Variants in KIAA0319 observed in about 807,000 individuals in gnomAD.
The protein encoded by KIAA0319 is KIAA0319.
KIAA0319 carries 83 observed loss-of-function variants against 108.4 expected under a neutral mutation model. The ratio of observed to expected loss-of-function variants is 0.77; its 90% CI spans 0.64 to 0.92. KIAA0319 has a LOEUF of 0.92. Ranked by LOEUF, KIAA0319 falls within the 40% of genes least tolerant of loss-of-function variation. KIAA0319 has a pLI of 0.00. For synonymous variants in KIAA0319, 484 were observed against 510.4 expected, an observed-to-expected ratio of 0.95 and a Z score of 0.70; for missense variants, 1,195 against 1,322.4, an observed-to-expected ratio of 0.90 and a Z score of 1.49.
rs141799720 is a variant in KIAA0319, at chr6:24,562,266, C to A, written c.2591+1093G>T. On this transcript the variant is annotated intron_variant, in intron 16 of 20. Transcript: ENST00000378214. The stretch of plus-strand genomic sequence containing the variant: ...CAATTTTGCTGATCTGTCCAAGAAA[C>A]AACTTTTGGTTTTGTTGATTTTCAG... 6.5e-3 allele frequency among the ~76,000 whole-genome samples: 997 copies of A among 152,298 alleles called. 8 individuals carry two copies. The highest frequency in any genetic ancestry group is 0.044 in the South Asian group (211 of 4,820).
intron 7 of KIAA0319, 61 bp downstream of exon 7, chr6:24,580,865 C>T (rs1766404547): frequency 9.2e-7 from 1 of 1,088,588 alleles, no homozygotes; most frequent in Admixed American, 1.8e-5. Flanking sequence ...TAGAGTCATC[C>T]AGGCACCAAA....
chr6:24,612,197 A>T (rs1283250557), intron 1 of KIAA0319, among the ~76,000 whole-genome samples: 1 of 152,192 alleles, frequency 6.6e-6, no homozygotes, highest in African/African-American at 2.4e-5. Flanking sequence ...CACACCTGTC[A>T]TCCCAATACT....
In KIAA0319 at chr6:24,551,451, T is replaced by A; in HGVS notation, c.3023A>T (p.Glu1008Val). ...LDNMDEQERM[E>V]LRPKYGIKHR... ...TGTCTTACCATATTTGGGCCTCAGT[T>A]CCATTCTTTCCTGTTCATCCATGTT... Residue 1008 changes from glutamate (E) to valine (V), a missense_variant, in exon 20 of 21, where the codon GAA (glutamate) becomes GTA (valine). Transcript: ENST00000378214. 6.2e-7 allele frequency: 1 copy of A among 1,611,188 alleles called. No individual in the cohort carries two copies. Among genetic ancestry groups the A allele is most frequent in the Non-Finnish European group, 8.5e-7 (1 of 1,177,228 alleles).
At chr6:24,567,106 G>A (rs538869325) in intron 13 of KIAA0319, among the ~76,000 whole-genome samples, 1 of 152,054 alleles carries the variant, frequency 6.6e-6, no homozygotes, top group Non-Finnish European at 1.5e-5. Flanking sequence ...ATATACTTTG[G>A]GTCATTTTGT....
At chr6:24,602,766 A>C (rs1191466573) in intron 1 of KIAA0319, among the ~76,000 whole-genome samples, 2 of 152,122 alleles carry the variant, frequency 1.3e-5, no homozygotes, top group Admixed American at 6.5e-5. Context: ...ACGCCACTGC[A>C]CTCCAGCCTG....
chr6:24,584,464 C>T (rs990823854), intron 4 of KIAA0319, among the ~76,000 whole-genome samples: 2 of 144,444 alleles, frequency 1.4e-5, no homozygotes, highest in African/African-American at 2.6e-5. Flanking sequence ...AAGCTGAGTG[C>T]TCCAGAGGGA....
At chr6:24,628,563 T>C (rs1425489688) in intron 1 of KIAA0319, among the ~76,000 whole-genome samples, 2 of 152,094 alleles carry the variant, frequency 1.3e-5, no homozygotes. Flanking sequence ...GCATTTACCA[T>C]CTGAATTAGT....
At position 24,620,030 on chromosome 6, in the gene KIAA0319, G is replaced by A. The variant is rs949698622; in HGVS notation, c.-105-18822C>T. ...CTAAAATCCTGTTTTGTGTTTCCTT[G>A]GTCAATAATATGCTACTGAAAATAA... On this transcript the variant is annotated intron_variant, in intron 1 of 20. Coordinates refer to ENST00000378214, the MANE Select transcript of KIAA0319 (RefSeq NM_014809.4). 3.4e-4 allele frequency among the ~76,000 whole-genome samples: 52 copies of A among 151,982 alleles called. 1 individual carries two copies. The highest frequency in any genetic ancestry group is 9.9e-4 in the African/African-American group (41 of 41,372).
intron 1 of KIAA0319, among the ~76,000 whole-genome samples, chr6:24,602,645 A>G (rs893314771): frequency 1.3e-5 from 2 of 152,042 alleles, no homozygotes; most frequent in Non-Finnish European, 2.9e-5. Context: ...CTAAAAATAC[A>G]AAAAAATTAG....
intron 19 of KIAA0319, among the ~76,000 whole-genome samples, chr6:24,554,332 C>T (rs948335397): frequency 2.0e-5 from 3 of 152,164 alleles, no homozygotes; most frequent in Non-Finnish European, 4.4e-5. Context: ...GATACAGAAT[C>T]GTTGACCCTC....
chr6:24,602,736 G>T (rs1770829117), intron 1 of KIAA0319, among the ~76,000 whole-genome samples: 1 of 152,148 alleles, frequency 6.6e-6, no homozygotes, highest in African/African-American at 2.4e-5. Context: ...GGGAGGCGGA[G>T]CTTGCAGTGA....
At chr6:24,575,349 A>G (rs985700103) in intron 10 of KIAA0319, among the ~76,000 whole-genome samples, 14 of 152,224 alleles carry the variant, frequency 9.2e-5, no homozygotes, top group Admixed American at 2.6e-4. Flanking sequence ...ATTCCTAATA[A>G]TTAAGTAAAA....
Position 24,645,843 on chromosome 6 carries a change from ACACACACACACAC to A in KIAA0319, c.-226_-214del, listed in dbSNP as rs1777545355. 2.6e-4 allele frequency: 3 copies of A among 11,376 alleles called. No individual in the cohort carries two copies. The highest frequency in any genetic ancestry group is 2.3e-3 in the African/African-American group (3 of 1,298). The allele number at this position is 11,376 out of a possible 1,614,324, so 0.7% of individuals were successfully genotyped here. A position where few individuals can be genotyped will look rare whatever the true frequency, so the allele number is the denominator to read the frequency against. On this transcript the variant is annotated 5_prime_UTR_variant, in exon 1 of 21. Transcript: ENST00000378214. ...TCCTCGTCGTCATCGCAGGTCTTAC[ACACACACACACAC>A]ACACACACACACACACACACACACA...
chr6:24,640,664 AT>A (rs1776797458), intron 1 of KIAA0319, among the ~76,000 whole-genome samples: 1 of 151,956 alleles, frequency 6.6e-6, no homozygotes, highest in Admixed American at 6.6e-5. Context: ...AACCATTTTT[AT>A]TTTTTGAGAC....
intron 1 of KIAA0319, among the ~76,000 whole-genome samples, chr6:24,640,859 G>T (rs1481380439): frequency 6.6e-6 from 1 of 151,946 alleles, no homozygotes; most frequent in Non-Finnish European, 1.5e-5. Context: ...TCACCATGTT[G>T]CCCAGGCTGA....
chr6:24,619,049 G>A (rs1223775844), intron 1 of KIAA0319, among the ~76,000 whole-genome samples: 1 of 152,192 alleles, frequency 6.6e-6, no homozygotes, highest in Non-Finnish European at 1.5e-5. Flanking sequence ...ACAAAGGCTT[G>A]AGGCGGGGAA....
At chr6:24,627,443 T>A (rs1278137387) in intron 1 of KIAA0319, among the ~76,000 whole-genome samples, 1 of 144,226 alleles carries the variant, frequency 6.9e-6, no homozygotes, top group Non-Finnish European at 1.5e-5. Context: ...AGTGAGCATT[T>A]TCCCTCCCTC....
At chr6:24,611,249 A>G (rs956411286) in intron 1 of KIAA0319, among the ~76,000 whole-genome samples, 1 of 151,234 alleles carries the variant, frequency 6.6e-6, no homozygotes, top group African/African-American at 2.4e-5. Flanking sequence ...CCCAGCACCC[A>G]GCACTTTGGG....
chr6:24,559,803 C>T (rs76869963), intron 16 of KIAA0319, among the ~76,000 whole-genome samples: 1 of 152,124 alleles, frequency 6.6e-6, no homozygotes, highest in Admixed American at 6.5e-5. Flanking sequence ...ACAACCATCA[C>T]CACTATCAAA....
Sources: gnomAD v4.1 joint callset for allele counts (sites outside exome capture counted in the v4.1 genomes callset) on GRCh38, gnomAD v4.1.1 for gene constraint, MANE v1.5 for transcripts, NCBI Gene and HGNC (gene_info 2026-07-23, HGNC 2026-07-21) for gene names.